Variants in ROBO1 observed in about 807,000 individuals in gnomAD.
ROBO1 encodes the protein roundabout homolog 1.
A neutral mutation model predicts 195.9 loss-of-function variants in ROBO1; 149 were observed. The ratio of observed to expected loss-of-function variants is 0.76; its 90% CI spans 0.67 to 0.87. The LOEUF (loss-of-function observed/expected upper bound fraction) is 0.87, where lower values mean the gene tolerates loss of function less well. Ranked by LOEUF, ROBO1 falls within the 40% of genes least tolerant of loss-of-function variation. ROBO1 has a pLI of 0.00. For missense variants in ROBO1, 1,933 were observed against 2,068.3 expected (o/e 0.93, Z 1.27); for synonymous variants, 816 against 733.2 (o/e 1.11, Z -1.82).
chr3:79,483,315 A>C (rs1367650495), intron 2 of ROBO1, among the ~76,000 whole-genome samples: 1 of 152,218 alleles, frequency 6.6e-6, no homozygotes, highest in Admixed American at 6.5e-5. Context: ...AAAGTGTTAG[A>C]GTGTACTAAT....
At chr3:79,362,914 AC>A (rs1416597202) in intron 2 of ROBO1, among the ~76,000 whole-genome samples, 1 of 152,114 alleles carries the variant, frequency 6.6e-6, no homozygotes, top group Non-Finnish European at 1.5e-5. Flanking sequence ...ATCGCATCAG[AC>A]CCAATTGCTC....
intron 2 of ROBO1, among the ~76,000 whole-genome samples, chr3:79,562,440 G>C (rs2107714658): frequency 6.6e-6 from 1 of 152,052 alleles, no homozygotes; most frequent in African/African-American, 2.4e-5. Flanking sequence ...CATCATCACT[G>C]GTCATTAGAG....
chr3:79,389,980 T>C (rs2036887524), intron 2 of ROBO1, among the ~76,000 whole-genome samples: 1 of 152,174 alleles, frequency 6.6e-6, no homozygotes, highest in South Asian at 2.1e-4. Context: ...AGCACAAGTG[T>C]GGATTAGGAT....
At chr3:78,743,477 AG>A (rs1409556325) in intron 5 of ROBO1, among the ~76,000 whole-genome samples, 1 of 152,106 alleles carries the variant, frequency 6.6e-6, no homozygotes, top group Non-Finnish European at 1.5e-5. Context: ...CTTCTCCATG[AG>A]AACTAAGCAT....
At chr3:78,909,861 T>C (rs1445302674) in intron 4 of ROBO1, among the ~76,000 whole-genome samples, 1 of 151,770 alleles carries the variant, frequency 6.6e-6, no homozygotes. Context: ...ATATAAAAGA[T>C]AATTTTAATA....
intron 4 of ROBO1, among the ~76,000 whole-genome samples, chr3:78,787,926 C>CTCTTTTTT (rs2083887881): frequency 1.4e-5 from 1 of 71,672 alleles, no homozygotes; most frequent in Non-Finnish European, 2.4e-5. Flanking sequence ...GACCCCTTCT[C>CTCTTTTTT]TTTTTTTTTT....
At chr3:79,636,375 GA>G (rs1304905205) in intron 1 of ROBO1, among the ~76,000 whole-genome samples, 2 of 152,028 alleles carry the variant, frequency 1.3e-5, no homozygotes, top group East Asian at 1.9e-4. Flanking sequence ...GGTGAAGCTG[GA>G]AAAAACTTGC....
chr3:79,626,892 C>T (rs1336014067), intron 1 of ROBO1, among the ~76,000 whole-genome samples: 2 of 152,072 alleles, frequency 1.3e-5, no homozygotes, highest in African/African-American at 4.8e-5. Flanking sequence ...TGAATGAACT[C>T]CGATTCACAA....
chr3:78,938,975 TA>T (rs1560022511), intron 3 of ROBO1, 48 bp from the exon 4 acceptor site: 2 of 1,473,534 alleles, frequency 1.4e-6, no homozygotes, highest in Non-Finnish European at 1.9e-6. Context: ...TGAAAACAGT[TA>T]ATCGCTTATT....
In ROBO1 at chr3:79,574,098, T is replaced by C. The variant is rs371760671; in HGVS notation, c.88+15726A>G. 1.4e-3 allele frequency among the ~76,000 whole-genome samples: 220 copies of C among 152,248 alleles called. 2 individuals are homozygous for C. Among genetic ancestry groups the C allele is most frequent in the African/African-American group, 5.1e-3 (214 of 41,562 alleles). On this transcript the variant is annotated intron_variant, in intron 2 of 30. Coordinates refer to ENST00000464233, the MANE Select transcript of ROBO1 (RefSeq NM_002941.4). ...CTTTAAAAAAATTTTAGGGTGGTTA[T>C]GTTGAAGCAGGTCGCTTATAAGTGT...
intron 10 of ROBO1, among the ~76,000 whole-genome samples, chr3:78,674,930 T>C (rs1174688650): frequency 1.3e-5 from 2 of 152,178 alleles, no homozygotes; most frequent in Non-Finnish European, 2.9e-5. Context: ...ATAGTAGTCA[T>C]TATTGAATTC....
At chr3:79,659,777 C>T (rs1426117047) in intron 1 of ROBO1, among the ~76,000 whole-genome samples, 2 of 151,970 alleles carry the variant, frequency 1.3e-5, no homozygotes, top group African/African-American at 2.4e-5. Flanking sequence ...ATCATCTAGC[C>T]CCCTCTAACA....
At chr3:79,707,192 C>T (rs905862098) in intron 1 of ROBO1, among the ~76,000 whole-genome samples, 3 of 152,046 alleles carry the variant, frequency 2.0e-5, no homozygotes, top group Non-Finnish European at 4.4e-5. Flanking sequence ...TAGGTCTATA[C>T]TGATTGATTC....
intron 4 of ROBO1, among the ~76,000 whole-genome samples, chr3:78,891,102 C>T (rs1470154539): frequency 6.6e-6 from 1 of 152,140 alleles, no homozygotes; most frequent in African/African-American, 2.4e-5. Context: ...CAGGTTGACA[C>T]AACTATAAAG....
chr3:78,680,275 A>G (rs961032368), intron 10 of ROBO1, among the ~76,000 whole-genome samples: 1 of 152,236 alleles, frequency 6.6e-6, no homozygotes, highest in Non-Finnish European at 1.5e-5. Flanking sequence ...GGCATGGGCA[A>G]GGACTTCATG....
chr3:79,098,427 G>A (rs1393555372), intron 3 of ROBO1, among the ~76,000 whole-genome samples: 1 of 151,708 alleles, frequency 6.6e-6, no homozygotes, highest in Non-Finnish European at 1.5e-5. Context: ...GATGTATTAG[G>A]CATGCTGAAA....
At chr3:79,659,780 C>T (rs1437258426) in intron 1 of ROBO1, among the ~76,000 whole-genome samples, 1 of 152,034 alleles carries the variant, frequency 6.6e-6, no homozygotes, top group African/African-American at 2.4e-5. Flanking sequence ...ATCTAGCCCC[C>T]TCTAACAATG....
chr3:79,597,476 C>T (rs1288608439), intron 1 of ROBO1, among the ~76,000 whole-genome samples: 1 of 151,926 alleles, frequency 6.6e-6, no homozygotes. Flanking sequence ...AGTTTTAAAT[C>T]TGAATTAATT....
intron 2 of ROBO1, among the ~76,000 whole-genome samples, chr3:79,571,082 A>T (rs1444362231): frequency 6.6e-6 from 1 of 152,114 alleles, no homozygotes; most frequent in Non-Finnish European, 1.5e-5. Context: ...CTGGGTGATA[A>T]TGGTTTTGAC....
Sources: gnomAD v4.1 joint callset for allele counts (sites outside exome capture counted in the v4.1 genomes callset) on GRCh38, gnomAD v4.1.1 for gene constraint, MANE v1.5 for transcripts, NCBI Gene and HGNC (gene_info 2026-07-23, HGNC 2026-07-21) for gene names.